The following GSE1 variants were observed in gnomAD, a reference collection of about 807,000 sequenced individuals.
GSE1 encodes Gse1 coiled-coil protein.
GSE1 carries 32 observed loss-of-function variants against 112.6 expected under a neutral mutation model. The observed-to-expected ratio is 0.28, with a 90% CI of 0.21 to 0.38. The LOEUF (loss-of-function observed/expected upper bound fraction) is 0.38. Ranked by LOEUF, GSE1 falls within the 10% of genes least tolerant of loss-of-function variation. The pLI, the probability that GSE1 is intolerant of heterozygous loss-of-function variation, is 1.00. For synonymous variants in GSE1, 1,115 were observed against 735.6 expected, an observed-to-expected ratio of 1.52 and a Z score of -8.35; for missense variants, 2,348 against 1,699.2, an observed-to-expected ratio of 1.38 and a Z score of -6.71.
intron 11 of GSE1, chr16:85,664,703 TTGAAA>T (rs1244122581): frequency 3.3e-5 from 8 of 245,230 alleles, no homozygotes; most frequent in African/African-American, 1.8e-4. Flanking sequence ...CTTGTCTGAC[TTGAAA>T]TAAGAATACA....
At chr16:85,422,731 C>G (rs1254985132) in intron 2 of GSE1, among the ~76,000 whole-genome samples, 1 of 152,004 alleles carries the variant, frequency 6.6e-6, no homozygotes, top group Non-Finnish European at 1.5e-5. Context: ...CGCTTGGGGA[C>G]TTGGGAGGCC....
chr16:85,412,941 A>G (rs987474029), intron 2 of GSE1, among the ~76,000 whole-genome samples: 1 of 152,154 alleles, frequency 6.6e-6, no homozygotes. Context: ...TGTATTGACC[A>G]TGTGTCCGTG....
rs542731066 is a variant in GSE1 at position 85,668,750 on chromosome 16, C to T, written c.3415+326C>T. Reference sequence around the variant, plus strand: ...TTCGTGTAAGGGTCCTGGGAGACAACCTAGTTGGTTGATTTGCTGAGCCCT... The same window carrying T: ...TTCGTGTAAGGGTCCTGGGAGACAATCTAGTTGGTTGATTTGCTGAGCCCT... On this transcript the variant is annotated intron_variant, in intron 14 of 15. Transcript: ENST00000253458. 1.4e-4 allele frequency among the ~76,000 whole-genome samples: 22 copies of T among 152,276 alleles called. No individual in the cohort carries two copies. In the South Asian group the frequency reaches 4.1e-3, roughly 29 times the overall value.
chr16:85,275,895 C>T (rs961696532), intron 1 of GSE1, among the ~76,000 whole-genome samples: 24 of 152,262 alleles, frequency 1.6e-4, no homozygotes, highest in Non-Finnish European at 2.2e-4. Flanking sequence ...TCTCTGGCCC[C>T]GTTCACTTCT....
chr16:85,297,768 C>T (rs2045409761), intron 1 of GSE1, among the ~76,000 whole-genome samples: 1 of 152,238 alleles, frequency 6.6e-6, no homozygotes, highest in African/African-American at 2.4e-5. Context: ...ACCTTGGCCT[C>T]CCAAAGTGCT....
chr16:85,655,741 C>T lies in GSE1; in HGVS notation c.813C>T (p.Tyr271=). Residue 271 remains tyrosine (Y), a synonymous_variant, in exon 6 of 16, where the codon TAC becomes TAT. Transcript: ENST00000253458. Reference sequence around the variant, plus strand: ...CTCTGCACAGGATGGACGACTCCTACTGCCTGTCTGCCCTGAGGTCCCCGT... The same window carrying T: ...CTCTGCACAGGATGGACGACTCCTATTGCCTGTCTGCCCTGAGGTCCCCGT... ...PHPAFRMDDS[Y]CLSALRSPFY... is the part of the protein sequence containing the mutation. 1 of 1,605,120 alleles carries T rather than the reference C, an allele frequency of 6.2e-7. No homozygotes were observed. Among genetic ancestry groups the T allele is most frequent in the Non-Finnish European group, 8.5e-7 (1 of 1,175,780 alleles).
chr16:85,371,306 G>C (rs1169705765), intron 2 of GSE1, among the ~76,000 whole-genome samples: 1 of 152,216 alleles, frequency 6.6e-6, no homozygotes, highest in African/African-American at 2.4e-5. Flanking sequence ...GCCCCACGCA[G>C]CGCCATGGAG....
upstream of GSE1, chr16:85,555,720 T>C: frequency 1.0e-6 from 1 of 961,330 alleles, no homozygotes; most frequent in Non-Finnish European, 1.2e-6. Context: ...TGAAACCCTG[T>C]TGGAAACAGG....
intron 2 of GSE1, among the ~76,000 whole-genome samples, chr16:85,428,250 G>A (rs1302993282): frequency 6.6e-6 from 1 of 152,214 alleles, no homozygotes. Flanking sequence ...CCGGCCCTGG[G>A]CTCCTGACCT....
intron 1 of GSE1, among the ~76,000 whole-genome samples, chr16:85,620,821 G>A (rs924243182): frequency 6.6e-6 from 1 of 152,118 alleles, no homozygotes; most frequent in African/African-American, 2.4e-5. Context: ...TCTCTGCTGT[G>A]TTGGGGAAGC....
At position 85,221,974 on chromosome 16, in the gene GSE1, G is replaced by T. The variant is rs1255889010; in HGVS notation, c.2283+50167G>T. Among the ~76,000 whole-genome samples the T allele has an allele frequency of 4.6e-5, 7 of 152,102 alleles. No homozygotes were observed. In the East Asian group the frequency reaches 5.8e-4, roughly 13 times the overall value. ...CACAGGGTCACCGGTGACCAGGTGG[G>T]CTGGCCTCAGGGAGGGCCGGGGAGG... On this transcript the variant is annotated intron_variant, in intron 1 of 2. Transcript: ENST00000637419.
At chr16:85,301,730 C>G (rs1020440675) in intron 1 of GSE1, among the ~76,000 whole-genome samples, 2 of 152,210 alleles carry the variant, frequency 1.3e-5, no homozygotes, top group African/African-American at 4.8e-5. Flanking sequence ...CCTCCCAGGG[C>G]AGGGCAGAGG....
chr16:85,529,002 G>A (rs570093747), intron 2 of GSE1, among the ~76,000 whole-genome samples: 5 of 152,254 alleles, frequency 3.3e-5, no homozygotes, highest in African/African-American at 1.2e-4. Flanking sequence ...AGCCATGGAG[G>A]GTTCTGGGCA....
chr16:85,247,105 C>A (rs982939673), intron 1 of GSE1, among the ~76,000 whole-genome samples: 1 of 152,090 alleles, frequency 6.6e-6, no homozygotes, highest in Non-Finnish European at 1.5e-5. Flanking sequence ...TTTCCTTGAC[C>A]GCCTCTGGTA....
chr16:85,322,505 G>A (rs2046129489), intron 1 of GSE1, among the ~76,000 whole-genome samples: 2 of 152,086 alleles, frequency 1.3e-5, no homozygotes, highest in African/African-American at 4.8e-5. Context: ...AGCCAACAGT[G>A]GATACTTGCA....
intron 1 of GSE1, chr16:85,357,404 A>G (rs900755): frequency 0.26 from 271,727 of 1,047,348 alleles, 37,616 homozygotes; most frequent in Non-Finnish European, 0.29. Context: ...GAGTCCATTC[A>G]TGCATCATCC....
chr16:85,198,139 G>T (rs2074963504), intron 1 of GSE1, among the ~76,000 whole-genome samples: 1 of 152,154 alleles, frequency 6.6e-6, no homozygotes, highest in Non-Finnish European at 1.5e-5. Flanking sequence ...TGGCAGAAGG[G>T]AAGGAAGATC....
At chr16:85,670,951 G>T in intron 14 of GSE1, 44 bp from the exon 15 acceptor site, 1 of 1,243,066 alleles carries the variant, frequency 8.0e-7, no homozygotes, top group South Asian at 1.2e-5. Flanking sequence ...GGGCCTTCGG[G>T]CTCCTGCATA....
intron 9 of GSE1, chr16:85,662,726 T>G (rs1598667097): frequency 1.1e-5 from 5 of 461,816 alleles, no homozygotes; most frequent in Admixed American, 3.8e-5. Context: ...AGGAGGGAGG[T>G]CTTGTCAGCC....
Sources: gnomAD v4.1 joint callset for allele counts (sites outside exome capture counted in the v4.1 genomes callset) on GRCh38, gnomAD v4.1.1 for gene constraint, MANE v1.5 for transcripts, NCBI Gene and HGNC (gene_info 2026-07-23, HGNC 2026-07-21) for gene names.